Variants in TMEM45A observed in about 807,000 individuals in gnomAD.
TMEM45A encodes transmembrane protein 45A.
A neutral mutation model predicts 32.0 loss-of-function variants in TMEM45A; 25 were observed. That is an observed-to-expected ratio of 0.78 (90% confidence interval 0.57 to 1.09). TMEM45A has a LOEUF of 1.09. Among genes scored for constraint, TMEM45A ranks in the 50% least tolerant of loss-of-function variants. The pLI, the probability that TMEM45A is intolerant of heterozygous loss-of-function variation, is 0.00. For synonymous variants in TMEM45A, 122 were observed against 114.8 expected (o/e 1.06, Z -0.40); for missense variants, 302 against 325.0 (o/e 0.93, Z 0.54).
intron 1 of TMEM45A, among the ~76,000 whole-genome samples, chr3:100,523,797 C>CCTT (rs1482339948): frequency 7.9e-6 from 1 of 125,950 alleles, no homozygotes; most frequent in Non-Finnish European, 1.6e-5. Flanking sequence ...TCCTTCTTCT[C>CCTT]CTTCTCCTCC....
At chr3:100,504,317 T>C (rs775524847) in intron 1 of TMEM45A, among the ~76,000 whole-genome samples, 6 of 152,026 alleles carry the variant, frequency 3.9e-5, no homozygotes, top group Non-Finnish European at 7.4e-5. Flanking sequence ...TTTAAAAGCC[T>C]CTAAACACTT....
At chr3:100,511,769 A>T (rs1452275245) in intron 1 of TMEM45A, among the ~76,000 whole-genome samples, 1 of 152,108 alleles carries the variant, frequency 6.6e-6, no homozygotes, top group Non-Finnish European at 1.5e-5. Context: ...AAATAAAAGG[A>T]TGGAGGAAGA....
rs576787087 is a variant in TMEM45A, at chr3:100,558,886, A to G, written c.588+297A>G. 7.9e-5 allele frequency among the ~76,000 whole-genome samples: 12 copies of G among 152,374 alleles called. No individual in the cohort carries two copies. The South Asian group carries it at 2.5e-3, about 32-fold the overall frequency. The stretch of plus-strand genomic sequence containing the variant: ...TTCTGACACTAAAGCAGCTTATAGC[A>G]TAATAAGCTTAAGAAATATATAGAA... On this transcript the variant is annotated intron_variant, in intron 4 of 5. Coordinates refer to ENST00000323523, the MANE Select transcript of TMEM45A (RefSeq NM_018004.3).
chr3:100,523,748 C>T (rs936291551), intron 1 of TMEM45A, among the ~76,000 whole-genome samples: 1 of 147,766 alleles, frequency 6.8e-6, no homozygotes, highest in African/African-American at 2.6e-5. Flanking sequence ...TCCTCCTTCT[C>T]CTCCTCCTTC....
At chr3:100,525,643 C>T (rs1381409839) in intron 1 of TMEM45A, among the ~76,000 whole-genome samples, 1 of 152,156 alleles carries the variant, frequency 6.6e-6, no homozygotes, top group Non-Finnish European at 1.5e-5. Context: ...GAGGCTCTTC[C>T]CACAGAGTTT....
At chr3:100,524,182 C>A (rs149898840) in intron 1 of TMEM45A, among the ~76,000 whole-genome samples, 4 of 152,122 alleles carry the variant, frequency 2.6e-5, no homozygotes, top group Non-Finnish European at 5.9e-5. Context: ...TCTGTGAGTG[C>A]GGGAGGATGG....
intron 1 of TMEM45A, among the ~76,000 whole-genome samples, chr3:100,494,329 A>G (rs1707892148): frequency 6.6e-6 from 1 of 152,188 alleles, no homozygotes; most frequent in Non-Finnish European, 1.5e-5. Context: ...TAGTACAATA[A>G]TTAAAAGTTG....
intron 1 of TMEM45A, among the ~76,000 whole-genome samples, chr3:100,536,330 G>A (rs1006032378): frequency 1.3e-5 from 2 of 152,178 alleles, no homozygotes; most frequent in Non-Finnish European, 2.9e-5. Flanking sequence ...TGGCCCATGA[G>A]AGTCTGTATT....
At chr3:100,501,724 T>G (rs1236502269) in intron 1 of TMEM45A, among the ~76,000 whole-genome samples, 1 of 152,176 alleles carries the variant, frequency 6.6e-6, no homozygotes, top group Non-Finnish European at 1.5e-5. Context: ...GGAGCCAAAC[T>G]TCCCTCAGTG....
intron 1 of TMEM45A, among the ~76,000 whole-genome samples, chr3:100,548,242 T>C (rs1437735714): frequency 6.6e-6 from 1 of 152,136 alleles, no homozygotes; most frequent in African/African-American, 2.4e-5. Flanking sequence ...CTTATGACAC[T>C]GACAAGAGAC....
chr3:100,510,866 G>T (rs1234707330), intron 1 of TMEM45A, among the ~76,000 whole-genome samples: 2 of 152,196 alleles, frequency 1.3e-5, no homozygotes, highest in African/African-American at 2.4e-5. Flanking sequence ...TGGAAGAAAG[G>T]TTATCAGCAG....
intron 1 of TMEM45A, among the ~76,000 whole-genome samples, chr3:100,546,472 T>A (rs1313805536): frequency 6.6e-6 from 1 of 152,266 alleles, no homozygotes; most frequent in East Asian, 1.9e-4. Context: ...AAGCAACATG[T>A]ACCTTGGAAC....
At chr3:100,504,636 C>T (rs562192244) in intron 1 of TMEM45A, among the ~76,000 whole-genome samples, 26 of 152,308 alleles carry the variant, frequency 1.7e-4, no homozygotes, top group African/African-American at 5.8e-4. Context: ...CTCCCTTGCC[C>T]GCTGGATATC....
At chr3:100,549,091 T>C (rs1706037024) in intron 1 of TMEM45A, among the ~76,000 whole-genome samples, 1 of 151,664 alleles carries the variant, frequency 6.6e-6, no homozygotes, top group Non-Finnish European at 1.5e-5. Context: ...CTACTAAAAA[T>C]ACAAAAATTA....
In TMEM45A at chr3:100,528,811, A is replaced by G. The variant is rs940958478; in HGVS notation, c.-3-26398A>G. Among the ~76,000 whole-genome samples, 5 of 152,214 alleles carry G rather than the reference A, an allele frequency of 3.3e-5. No homozygotes were observed. In the East Asian group the frequency reaches 9.6e-4, roughly 29 times the overall value. Reference sequence around the variant, plus strand: ...TAGGATTTTAAATTCTGATTGTAGAATCAATGAATTTATTCCAAAAGCATG... The same window carrying G: ...TAGGATTTTAAATTCTGATTGTAGAGTCAATGAATTTATTCCAAAAGCATG... On this transcript the variant is annotated intron_variant, in intron 1 of 5. Transcript: ENST00000323523.
intron 1 of TMEM45A, among the ~76,000 whole-genome samples, chr3:100,526,624 T>C (rs1026359404): frequency 6.6e-6 from 1 of 152,176 alleles, no homozygotes; most frequent in Admixed American, 6.5e-5. Context: ...GTTCTTTAGA[T>C]AGTACTGCAG....
intron 2 of TMEM45A, 21 bp from the exon 3 acceptor site, chr3:100,556,739 C>G (rs1706227903): frequency 6.2e-7 from 1 of 1,600,420 alleles, no homozygotes; most frequent in Admixed American, 1.7e-5. Flanking sequence ...GTTGCTAAAA[C>G]TGTGATATGT....
intron 1 of TMEM45A, among the ~76,000 whole-genome samples, chr3:100,554,729 T>A (rs1027192136): frequency 6.6e-6 from 1 of 152,238 alleles, no homozygotes; most frequent in Non-Finnish European, 1.5e-5. Context: ...AAAACTTTCA[T>A]ATCACTTTCC....
chr3:100,550,214 AAAAT>A (rs202065739), intron 1 of TMEM45A, among the ~76,000 whole-genome samples: 96 of 147,830 alleles, frequency 6.5e-4, no homozygotes, highest in African/African-American at 2.2e-3. Context: ...AAAAGAAAAA[AAAAT>A]AAATCCTTAA....
Sources: allele counts gnomAD v4.1 joint callset (sites outside exome capture counted in the v4.1 genomes callset), GRCh38; gene constraint gnomAD v4.1.1; transcripts MANE v1.5; gene names NCBI Gene and HGNC (gene_info 2026-07-23, HGNC 2026-07-21).